EXOC1L: variants seen among roughly 807,000 people sequenced by gnomAD.
The protein encoded by EXOC1L is exocyst complex component 1-like.
A neutral mutation model predicts 4.9 loss-of-function variants in EXOC1L; 10 were observed. The ratio of observed to expected loss-of-function variants is 2.02; its 90% CI spans 1.25 to 3.43. The LOEUF (loss-of-function observed/expected upper bound fraction) is 3.43, where lower values mean the gene tolerates loss of function less well. EXOC1L is among the 30% of genes most tolerant of loss of function. The pLI, the probability that EXOC1L is intolerant of heterozygous loss-of-function variation, is 0.00. For missense variants in EXOC1L, 114 were observed against 59.4 expected, an observed-to-expected ratio of 1.92 and a Z score of -3.02; for synonymous variants, 41 against 20.8, an observed-to-expected ratio of 1.97 and a Z score of -2.63.
chr4:55,827,386 A>G (rs1719911503), intron 1 of EXOC1L, among the ~76,000 whole-genome samples: 1 of 152,170 alleles, frequency 6.6e-6, no homozygotes, highest in African/African-American at 2.4e-5. Context: ...ACTTGGATGA[A>G]GACATCCTTC....
At chr4:55,829,961 T>A (rs1358591380) in intron 1 of EXOC1L, among the ~76,000 whole-genome samples, 1 of 152,198 alleles carries the variant, frequency 6.6e-6, no homozygotes, top group Admixed American at 6.5e-5. Flanking sequence ...TGCAGTCCAC[T>A]TTCTTTGATT....
At chr4:55,824,671 A>G (rs1436707871) in intron 1 of EXOC1L, among the ~76,000 whole-genome samples, 1 of 152,152 alleles carries the variant, frequency 6.6e-6, no homozygotes, top group Non-Finnish European at 1.5e-5. Flanking sequence ...CTATGCAGGA[A>G]TTTAAATAAA....
chr4:55,836,673 C>T (rs1428308643), intron 2 of EXOC1L, among the ~76,000 whole-genome samples: 1 of 151,912 alleles, frequency 6.6e-6, no homozygotes. Context: ...TGTATTTCTT[C>T]CTTCTACCTT....
intron 1 of EXOC1L, among the ~76,000 whole-genome samples, chr4:55,828,554 A>T (rs2110282926): frequency 6.6e-6 from 1 of 152,224 alleles, no homozygotes; most frequent in Admixed American, 6.5e-5. Flanking sequence ...TTTGGGGGCC[A>T]GGCATGGTGA....
intron 1 of EXOC1L, among the ~76,000 whole-genome samples, chr4:55,824,235 GA>G (rs1021330509): frequency 3.4e-5 from 5 of 149,064 alleles, no homozygotes; most frequent in African/African-American, 9.9e-5. Flanking sequence ...TTTTGTTCAA[GA>G]CTCTATATTT....
intron 2 of EXOC1L, among the ~76,000 whole-genome samples, chr4:55,832,886 A>T (rs910175687): frequency 1.3e-5 from 2 of 152,026 alleles, no homozygotes; most frequent in African/African-American, 4.8e-5. Context: ...CTAGGCTCTG[A>T]GGATACAGTA....
intron 2 of EXOC1L, among the ~76,000 whole-genome samples, chr4:55,836,334 T>C (rs944852173): frequency 2.0e-5 from 3 of 152,054 alleles, no homozygotes; most frequent in Admixed American, 1.3e-4. Flanking sequence ...ATGCGAAATA[T>C]CTGTCTTAAA....
chr4:55,831,366 G>C lies in EXOC1L; in HGVS notation c.154G>C (p.Val52Leu), dbSNP rs1180729822. 1.5e-6 allele frequency: 1 copy of C among 674,616 alleles called. No individual in the cohort carries two copies. Among genetic ancestry groups the C allele is most frequent in the East Asian group, 2.8e-5 (1 of 35,794 alleles). The allele number at this position is 674,616 out of a possible 1,614,324, so 41.8% of individuals were successfully genotyped here. ...TKKEEVKIVM[V>L]KHYRIGLDEK... Reference sequence around the variant, plus strand: ...AAAGGAAGAAGTAAAAATAGTCATGGTGAAACACTACAGAATAGGTTTAGA... The same window carrying C: ...AAAGGAAGAAGTAAAAATAGTCATGCTGAAACACTACAGAATAGGTTTAGA... Residue 52 changes from valine to leucine, a missense_variant, in exon 2 of 3, where the codon GTG becomes CTG. Transcript: ENST00000636125.
intron 1 of EXOC1L, among the ~76,000 whole-genome samples, chr4:55,826,034 G>A (rs74459641): frequency 0.19 from 27,953 of 147,072 alleles, 3,628 homozygotes; most frequent in East Asian, 0.64. Flanking sequence ...GCAGTGAGTC[G>A]AGATTGTGCT....
chr4:55,836,191 T>C (rs1720155741), intron 2 of EXOC1L, among the ~76,000 whole-genome samples: 1 of 151,904 alleles, frequency 6.6e-6, no homozygotes, highest in Admixed American at 6.6e-5. Flanking sequence ...TTGAGTCCTC[T>C]GCCTATTTGT....
At position 55,821,270 on chromosome 4, in the gene EXOC1L, A is replaced by C. The variant is rs572105925; in HGVS notation, c.121+1123A>C. Reference sequence around the variant, plus strand: ...TTAGCATATTTTGCTATATGACTACAAAGTATAGAGGGTATTCTAGCGACA... The same window carrying C: ...TTAGCATATTTTGCTATATGACTACCAAGTATAGAGGGTATTCTAGCGACA... On this transcript the variant is annotated intron_variant, in intron 1 of 2. Transcript: ENST00000636125. 5.9e-5 allele frequency among the ~76,000 whole-genome samples: 9 copies of C among 152,286 alleles called. No individual in the cohort carries two copies. The East Asian group carries it at 1.7e-3, about 29-fold the overall frequency.
intron 2 of EXOC1L, among the ~76,000 whole-genome samples, chr4:55,834,508 C>A (rs569244429): frequency 6.6e-6 from 1 of 152,084 alleles, no homozygotes; most frequent in African/African-American, 2.4e-5. Context: ...TGCATGCATA[C>A]TCAGGCTCCA....
At chr4:55,834,580 T>C (rs1235615652) in intron 2 of EXOC1L, among the ~76,000 whole-genome samples, 2 of 151,962 alleles carry the variant, frequency 1.3e-5, no homozygotes, top group Non-Finnish European at 2.9e-5. Flanking sequence ...GAGGGGTATT[T>C]TCTACCTGAT....
At chr4:55,835,937 A>G (rs1720149059) in intron 2 of EXOC1L, among the ~76,000 whole-genome samples, 1 of 151,940 alleles carries the variant, frequency 6.6e-6, no homozygotes, top group African/African-American at 2.4e-5. Flanking sequence ...ACGCTCGTTT[A>G]CATGATTATT....
At chr4:55,834,495 A>G (rs1720112562) in intron 2 of EXOC1L, among the ~76,000 whole-genome samples, 1 of 151,958 alleles carries the variant, frequency 6.6e-6, no homozygotes, top group Non-Finnish European at 1.5e-5. Flanking sequence ...TTTGTATCCT[A>G]TGTGCATGCA....
intron 1 of EXOC1L, among the ~76,000 whole-genome samples, chr4:55,822,774 A>T (rs1719780083): frequency 6.6e-6 from 1 of 152,196 alleles, no homozygotes; most frequent in South Asian, 2.1e-4. Context: ...AAAAACACTT[A>T]TATCTGCCCA....
At chr4:55,832,232 G>A (rs746886953) in intron 2 of EXOC1L, among the ~76,000 whole-genome samples, 4 of 151,932 alleles carry the variant, frequency 2.6e-5, no homozygotes, top group Non-Finnish European at 4.4e-5. Context: ...TAAAAATTAG[G>A]TCCATGGTTT....
At chr4:55,821,909 C>T (rs562088161) in intron 1 of EXOC1L, among the ~76,000 whole-genome samples, 1 of 152,186 alleles carries the variant, frequency 6.6e-6, no homozygotes, top group Non-Finnish European at 1.5e-5. Context: ...TTTGCTGGAA[C>T]AGTAATTTAA....
chr4:55,831,604 A>G (rs1252149525), intron 2 of EXOC1L, 140 bp downstream of exon 2: 2 of 444,710 alleles, frequency 4.5e-6, no homozygotes, highest in Non-Finnish European at 7.9e-6. Context: ...AGTTTAATCT[A>G]CTGGGATGAT....
Sources: gnomAD v4.1 joint callset for allele counts (sites outside exome capture counted in the v4.1 genomes callset) on GRCh38, gnomAD v4.1.1 for gene constraint, MANE v1.5 for transcripts, NCBI Gene and HGNC (gene_info 2026-07-23, HGNC 2026-07-21) for gene names.